DAAM2: variants seen among roughly 807,000 people sequenced by gnomAD.
DAAM2 encodes the protein disheveled-associated activator of morphogenesis 2.
In DAAM2, 39 loss-of-function variants were observed where a neutral mutation model predicts 120.7. The ratio of observed to expected loss-of-function variants is 0.32; its 90% CI spans 0.25 to 0.42. DAAM2 has a LOEUF of 0.42. Ranked by LOEUF, DAAM2 falls within the 10% of genes least tolerant of loss-of-function variation. DAAM2 has a pLI of 1.00. For missense variants in DAAM2, 1,283 were observed against 1,401.7 expected, an observed-to-expected ratio of 0.92 and a Z score of 1.35; for synonymous variants, 488 against 524.9, an observed-to-expected ratio of 0.93 and a Z score of 0.96.
At chr6:39,828,076 C>G (rs934689029) in intron 1 of DAAM2, among the ~76,000 whole-genome samples, 1 of 152,240 alleles carries the variant, frequency 6.6e-6, no homozygotes, top group African/African-American at 2.4e-5. Flanking sequence ...AAGCACTGAG[C>G]ACAATGTTTG....
intron 1 of DAAM2, among the ~76,000 whole-genome samples, chr6:39,839,718 G>C (rs1244488261): frequency 3.9e-5 from 6 of 152,344 alleles, no homozygotes; most frequent in Non-Finnish European, 7.3e-5. Context: ...AGTCCACACT[G>C]CCAGCAAATC....
Position 39,878,122 on chromosome 6 carries a change from G to A in DAAM2, c.1302-81G>A. 1.3e-6 allele frequency: 2 copies of A among 1,492,312 alleles called. No individual in the cohort carries two copies. The highest frequency in any genetic ancestry group is 9.2e-7 in the Non-Finnish European group (1 of 1,082,668). The allele number at this position is 1,492,312 out of a possible 1,614,324, so 92.4% of individuals were successfully genotyped here. ...TTGGAGACCAGGGTCCCCACCTGGA[G>A]GGTAGAAAGATGATGTCTCCTGGGA... On this transcript the variant is annotated intron_variant, in intron 11 of 24. Coordinates refer to ENST00000274867, the MANE Select transcript of DAAM2 (RefSeq NM_001201427.2). This position sits in a 1 kb window ranked among gnomAD's most constrained non-coding sequence, Gnocchi z 5.0.
At chr6:39,886,819 A>C (rs1765402987) in intron 15 of DAAM2, 1 of 204,404 alleles carries the variant, frequency 4.9e-6, no homozygotes, top group Admixed American at 6.0e-5. Flanking sequence ...GACCTCCCAG[A>C]GGAAGAACAG....
intron 9 of DAAM2, 54 bp downstream of exon 9, chr6:39,871,626 G>A: frequency 6.7e-7 from 1 of 1,487,848 alleles, no homozygotes; most frequent in Non-Finnish European, 9.1e-7. Context: ...GTTCTTGGTG[G>A]CCCCACAGCC....
At chr6:39,812,990 G>C (rs745853914) in intron 1 of DAAM2, among the ~76,000 whole-genome samples, 3 of 152,030 alleles carry the variant, frequency 2.0e-5, no homozygotes, top group Non-Finnish European at 4.4e-5. Flanking sequence ...GTAGATTTCA[G>C]TGCCAGATGG....
chr6:39,899,719 A>G (rs1173693450), intron 22 of DAAM2: 1 of 180,264 alleles, frequency 5.5e-6, no homozygotes, highest in Non-Finnish European at 1.2e-5. Context: ...AGCTTTAGAA[A>G]AATGTCTCTT....
At chr6:39,841,265 C>T (rs369807250) in intron 1 of DAAM2, among the ~76,000 whole-genome samples, 5 of 70,978 alleles carry the variant, frequency 7.0e-5, no homozygotes, top group Admixed American at 1.8e-4. Flanking sequence ...AGAGGGGCTC[C>T]GGGGGGAGGG....
At chr6:39,813,787 A>C (rs1762232847) in intron 1 of DAAM2, among the ~76,000 whole-genome samples, 1 of 152,202 alleles carries the variant, frequency 6.6e-6, no homozygotes, top group South Asian at 2.1e-4. Context: ...TTTGGCAGTT[A>C]ATGTTTCCAG....
chr6:39,841,559 T>C (rs1763342110), intron 1 of DAAM2, among the ~76,000 whole-genome samples: 1 of 151,854 alleles, frequency 6.6e-6, no homozygotes, highest in Admixed American at 6.6e-5. Context: ...GTTCACAACT[T>C]GAGGAGGGAG....
At chr6:39,862,036 T>G (rs935339045) in intron 3 of DAAM2, 1 of 152,242 alleles carries the variant, frequency 6.6e-6, no homozygotes, top group African/African-American at 2.4e-5. Flanking sequence ...GATTCAAATA[T>G]ACACCATTTC....
At chr6:39,856,119 T>TGGGGGTGGGGGGGCCACGGGGGGGGGGGG in intron 1 of DAAM2, 128 bp from the exon 2 acceptor site, 1 of 509,076 alleles carries the variant, frequency 2.0e-6, no homozygotes, top group Non-Finnish European at 2.8e-6. Context: ...GCGGGGTGGG[T>TGGGGGTGGGGGGGCCACGGGGGGGGGGGG]GGGGCTTTGC....
At chr6:39,870,055 T>C (rs1381366211) in intron 7 of DAAM2, among the ~76,000 whole-genome samples, 2 of 152,182 alleles carry the variant, frequency 1.3e-5, no homozygotes, top group Non-Finnish European at 2.9e-5. Flanking sequence ...TTGTGCTCCA[T>C]GTCACTCTAC....
chr6:39,811,367 T>A (rs1463019868), intron 1 of DAAM2, among the ~76,000 whole-genome samples: 2 of 152,130 alleles, frequency 1.3e-5, no homozygotes, highest in Non-Finnish European at 2.9e-5. Context: ...GTTAAACCCT[T>A]ATTGTTGTAA....
At chr6:39,868,600 G>T in intron 6 of DAAM2, 1 of 555,478 alleles carries the variant, frequency 1.8e-6, no homozygotes, top group East Asian at 3.0e-5. Flanking sequence ...AAGGCTGAGT[G>T]GAGAGGAAGT....
chr6:39,873,925 C>A (rs1764766014), intron 10 of DAAM2, among the ~76,000 whole-genome samples: 1 of 152,208 alleles, frequency 6.6e-6, no homozygotes, highest in African/African-American at 2.4e-5. Context: ...AATAGCCACT[C>A]CAGAATGCAA....
intron 1 of DAAM2, among the ~76,000 whole-genome samples, chr6:39,814,427 G>C (rs981175452): frequency 6.6e-6 from 1 of 152,194 alleles, no homozygotes; most frequent in Admixed American, 6.5e-5. Context: ...GCCACAGATG[G>C]AGCTCTGATG....
At chr6:39,847,810 C>A (rs1160951611) in intron 1 of DAAM2, among the ~76,000 whole-genome samples, 2 of 152,130 alleles carry the variant, frequency 1.3e-5, no homozygotes, top group Non-Finnish European at 2.9e-5. Context: ...ACAGTGCCAC[C>A]AGAAATGTCT....
intron 1 of DAAM2, among the ~76,000 whole-genome samples, chr6:39,813,309 C>T (rs1465409708): frequency 6.6e-6 from 1 of 152,174 alleles, no homozygotes; most frequent in Non-Finnish European, 1.5e-5. Flanking sequence ...GGCGATGAGT[C>T]TGGCTGCTCT....
intron 2 of DAAM2, 80 bp from the exon 3 acceptor site, chr6:39,860,848 T>A: frequency 8.8e-7 from 1 of 1,133,168 alleles, no homozygotes. Flanking sequence ...TTTGGGGGAA[T>A]TGTAATTTCC....
Sources: gnomAD v4.1 joint callset for allele counts (sites outside exome capture counted in the v4.1 genomes callset) on GRCh38, gnomAD v4.1.1 for gene constraint, Gnocchi (gnomAD v3.1) non-coding constraint, MANE v1.5 for transcripts, NCBI Gene and HGNC (gene_info 2026-07-23, HGNC 2026-07-21) for gene names.